Variants in NRG1 observed in about 807,000 individuals in gnomAD.
The protein encoded by NRG1 is pro-neuregulin-1, membrane-bound isoform.
A neutral mutation model predicts 63.8 loss-of-function variants in NRG1; 18 were observed. The ratio of observed to expected loss-of-function variants is 0.28; its 90% confidence interval spans 0.19 to 0.42. The LOEUF is 0.42. Among genes scored for constraint, NRG1 ranks in the 10% least tolerant of loss-of-function variants. The pLI, the probability that NRG1 is intolerant of heterozygous loss-of-function variation, is 1.00. For missense variants in NRG1, 762 were observed against 814.7 expected, an observed-to-expected ratio of 0.94 and a Z score of 0.79; for synonymous variants, 302 against 301.3, an observed-to-expected ratio of 1.00 and a Z score of -0.02.
At chr8:31,880,074 A>T (rs1409100703) in intron 1 of NRG1, among the ~76,000 whole-genome samples, 2 of 152,122 alleles carry the variant, frequency 1.3e-5, no homozygotes, top group Non-Finnish European at 2.9e-5. Flanking sequence ...ACCCTTACAC[A>T]CTATTGGTGG....
intron 1 of NRG1, among the ~76,000 whole-genome samples, chr8:31,663,845 G>A (rs1408294541): frequency 1.3e-5 from 2 of 152,100 alleles, no homozygotes; most frequent in African/African-American, 4.8e-5. Context: ...ATCAGGGGAG[G>A]AGGGTGCTGC....
chr8:32,571,237 A>G (rs946368861), intron 1 of NRG1, among the ~76,000 whole-genome samples: 2 of 152,200 alleles, frequency 1.3e-5, no homozygotes, highest in Admixed American at 6.5e-5. Flanking sequence ...GCCGGGCCCT[A>G]TTACTAATTT....
chr8:32,478,356 A>G (rs4733340), intron 1 of NRG1, among the ~76,000 whole-genome samples: 152,341 of 152,342 alleles, frequency 1, 76,170 homozygotes, highest in Non-Finnish European at 1. Flanking sequence ...TGAGCTAACT[A>G]TGTTCAATTA....
intron 1 of NRG1, among the ~76,000 whole-genome samples, chr8:31,921,719 A>G (rs1481596713): frequency 6.6e-6 from 1 of 152,220 alleles, no homozygotes; most frequent in Non-Finnish European, 1.5e-5. Flanking sequence ...TATATTTGGC[A>G]TCATTAACAG....
At chr8:31,685,551 T>C (rs1441695425) in intron 1 of NRG1, among the ~76,000 whole-genome samples, 1 of 152,140 alleles carries the variant, frequency 6.6e-6, no homozygotes, top group Non-Finnish European at 1.5e-5. Context: ...AAGTGTACAA[T>C]TTAGTGGTTT....
At chr8:32,093,886 C>G (rs1219337241) in intron 1 of NRG1, among the ~76,000 whole-genome samples, 1 of 152,142 alleles carries the variant, frequency 6.6e-6, no homozygotes, top group Non-Finnish European at 1.5e-5. Context: ...GGATGTACCT[C>G]TCTTGAAATT....
chr8:32,480,927 C>T (rs1211426178), intron 1 of NRG1, among the ~76,000 whole-genome samples: 1 of 152,138 alleles, frequency 6.6e-6, no homozygotes, highest in South Asian at 2.1e-4. Flanking sequence ...TCCAACACTG[C>T]GGGTTACATT....
chr8:32,240,936 G>A (rs537073988), intron 1 of NRG1, among the ~76,000 whole-genome samples: 12 of 152,108 alleles, frequency 7.9e-5, no homozygotes, highest in Admixed American at 3.3e-4. Context: ...GCAAGAGAAG[G>A]AGAATGGGGG....
At chr8:32,080,764 CGT>C (rs3084557) in intron 1 of NRG1, among the ~76,000 whole-genome samples, 13,517 of 148,720 alleles carry the variant, frequency 0.091, 922 homozygotes, top group African/African-American at 0.18. Context: ...TGTGTGTGTG[CGT>C]GTGTGTGTGT....
intron 1 of NRG1, among the ~76,000 whole-genome samples, chr8:31,722,422 A>G (rs1813012550): frequency 6.6e-6 from 1 of 152,036 alleles, no homozygotes; most frequent in Non-Finnish European, 1.5e-5. Context: ...TCTTACTAGT[A>G]TTATTGTTCA....
chr8:32,529,064 A>G (rs1483396247), intron 1 of NRG1, among the ~76,000 whole-genome samples: 1 of 152,208 alleles, frequency 6.6e-6, no homozygotes, highest in African/African-American at 2.4e-5. Flanking sequence ...ATCATAGGGT[A>G]TATTTACACA....
intron 1 of NRG1, among the ~76,000 whole-genome samples, chr8:32,436,073 A>C (rs1818746902): frequency 6.6e-6 from 1 of 152,168 alleles, no homozygotes; most frequent in Non-Finnish European, 1.5e-5. Flanking sequence ...AGACTGGGTA[A>C]TTTATAAAGA....
chr8:32,484,590 T>C (rs1490818321), intron 1 of NRG1, among the ~76,000 whole-genome samples: 1 of 152,110 alleles, frequency 6.6e-6, no homozygotes, highest in African/African-American at 2.4e-5. Flanking sequence ...TTGTACAATA[T>C]ACCTATGCCT....
chr8:31,639,718 C>T, intron 1 of NRG1: 1 of 1,363,690 alleles, frequency 7.3e-7, no homozygotes, highest in Non-Finnish European at 9.4e-7. Context: ...ACTGAGGCGG[C>T]GGCAGCGGTT....
At chr8:31,921,308 C>T (rs574076886) in intron 1 of NRG1, among the ~76,000 whole-genome samples, 3 of 152,206 alleles carry the variant, frequency 2.0e-5, no homozygotes, top group African/African-American at 4.8e-5. Flanking sequence ...TGTGGATGGG[C>T]CACTGTGTTC....
At chr8:32,069,137 A>C (rs1825356380) in intron 1 of NRG1, among the ~76,000 whole-genome samples, 1 of 152,206 alleles carries the variant, frequency 6.6e-6, no homozygotes, top group South Asian at 2.1e-4. Context: ...CTGTCTGCTC[A>C]CAGGCAGGAG....
intron 1 of NRG1, among the ~76,000 whole-genome samples, chr8:31,859,077 A>G (rs1828227921): frequency 6.6e-6 from 1 of 152,196 alleles, no homozygotes; most frequent in Admixed American, 6.5e-5. Flanking sequence ...TCTTATTTTG[A>G]TTAATAAAGA....
rs1236409416 is a variant in NRG1 at position 31,878,293 on chromosome 8, C to T, written c.37+238862C>T. ...CATCTTTTTTATGATATACTTGGGACATTATATTGATTTTTAAATTTTGTA... is the reference window on the plus strand; with the variant it reads ...CATCTTTTTTATGATATACTTGGGATATTATATTGATTTTTAAATTTTGTA... On this transcript the variant is annotated intron_variant, in intron 1 of 10. Transcript: ENST00000519301. Among the ~76,000 whole-genome samples, 4 of 151,970 alleles carry T rather than the reference C, an allele frequency of 2.6e-5. No homozygotes were observed. In the East Asian group the frequency reaches 7.7e-4, roughly 29 times the overall value.
At chr8:32,495,529 C>T (rs942723749) in intron 1 of NRG1, among the ~76,000 whole-genome samples, 2 of 151,380 alleles carry the variant, frequency 1.3e-5, no homozygotes, top group Non-Finnish European at 3.0e-5. Context: ...GTGGTGTGAT[C>T]TCGGCTCACT....
Sources: gnomAD v4.1 joint callset for allele counts (sites outside exome capture counted in the v4.1 genomes callset) on GRCh38, gnomAD v4.1.1 for gene constraint, MANE v1.5 for transcripts, NCBI Gene and HGNC (gene_info 2026-07-23, HGNC 2026-07-21) for gene names.